ADAM19: variants seen among roughly 807,000 people sequenced by gnomAD.
ADAM19 encodes the protein disintegrin and metalloproteinase domain-containing protein 19.
In ADAM19, 65 loss-of-function variants were observed where a neutral mutation model predicts 114.7. The observed-to-expected ratio is 0.57, with a 90% CI of 0.46 to 0.70. ADAM19 has a LOEUF of 0.70. Ranked by LOEUF, ADAM19 falls within the 30% of genes least tolerant of loss-of-function variation. ADAM19 has a pLI of 0.00. For synonymous variants in ADAM19, 466 were observed against 460.5 expected (o/e 1.01, Z -0.15); for missense variants, 1,063 against 1,204.7 (o/e 0.88, Z 1.74).
intron 12 of ADAM19, among the ~76,000 whole-genome samples, chr5:157,500,757 C>A (rs1318136596): frequency 6.6e-6 from 1 of 152,176 alleles, no homozygotes; most frequent in Non-Finnish European, 1.5e-5. Context: ...TTGCTCTCCC[C>A]CAGCCTGAGA....
chr5:157,494,006 A>C (rs990823689), intron 15 of ADAM19, among the ~76,000 whole-genome samples: 1 of 152,244 alleles, frequency 6.6e-6, no homozygotes, highest in African/African-American at 2.4e-5. Context: ...TGACACACTA[A>C]GATGGGTTGG....
At chr5:157,496,777 G>A in intron 14 of ADAM19, 117 bp downstream of exon 14, 1 of 837,014 alleles carries the variant, frequency 1.2e-6, no homozygotes, top group Non-Finnish European at 1.8e-6. Context: ...GGGGATGAAA[G>A]AGGTAGTATC....
intron 10 of ADAM19, among the ~76,000 whole-genome samples, chr5:157,506,049 T>C (rs1755732111): frequency 6.6e-6 from 1 of 152,200 alleles, no homozygotes; most frequent in Non-Finnish European, 1.5e-5. Context: ...AACTGACCTA[T>C]GGATGAACTT....
chr5:157,514,412 C>T (rs529206609), intron 7 of ADAM19, among the ~76,000 whole-genome samples: 5 of 151,798 alleles, frequency 3.3e-5, no homozygotes, highest in South Asian at 2.1e-4. Flanking sequence ...TTACAACCTC[C>T]GCCTCCCGGG....
chr5:157,535,290 C>T (rs773404187), intron 4 of ADAM19, among the ~76,000 whole-genome samples: 10 of 152,228 alleles, frequency 6.6e-5, no homozygotes, highest in Non-Finnish European at 1.2e-4. Context: ...TTCCCCCAAC[C>T]GCCTGACCTA....
intron 3 of ADAM19, among the ~76,000 whole-genome samples, chr5:157,556,515 G>A (rs1020218273): frequency 2.6e-5 from 4 of 152,036 alleles, no homozygotes; most frequent in East Asian, 1.9e-4. Flanking sequence ...CACCATGCCC[G>A]GCCTCAAGAT....
intron 3 of ADAM19, among the ~76,000 whole-genome samples, chr5:157,564,097 A>G (rs1014806349): frequency 4.6e-5 from 7 of 152,200 alleles, no homozygotes; most frequent in South Asian, 2.1e-4. Flanking sequence ...AATCTCACAC[A>G]TACACAGACC....
intron 3 of ADAM19, among the ~76,000 whole-genome samples, chr5:157,546,258 T>C (rs1757045003): frequency 6.6e-6 from 1 of 152,182 alleles, no homozygotes; most frequent in East Asian, 1.9e-4. Flanking sequence ...AATTTCTAGT[T>C]TCTCCTAAAA....
chr5:157,551,545 C>T (rs1003411427), intron 3 of ADAM19, among the ~76,000 whole-genome samples: 3 of 151,556 alleles, frequency 2.0e-5, no homozygotes, highest in African/African-American at 7.3e-5. Context: ...CAAGCACAGG[C>T]AACCAAAGAA....
At chr5:157,490,570 C>T (rs2113696231) in intron 18 of ADAM19, 116 bp from the exon 19 acceptor site, 1 of 1,213,672 alleles carries the variant, frequency 8.2e-7, no homozygotes, top group East Asian at 2.6e-5. Flanking sequence ...ATTTGTATTA[C>T]TTATTTTAAC....
intron 21 of ADAM19, among the ~76,000 whole-genome samples, chr5:157,485,452 C>A (rs1267971173): frequency 6.6e-6 from 1 of 152,224 alleles, no homozygotes; most frequent in Non-Finnish European, 1.5e-5. Context: ...CTTGCAGGAA[C>A]TACACCTCTC....
At chr5:157,527,193 G>A (rs946248034) in intron 5 of ADAM19, among the ~76,000 whole-genome samples, 2 of 152,042 alleles carry the variant, frequency 1.3e-5, no homozygotes, top group Non-Finnish European at 2.9e-5. Flanking sequence ...GGGAGCACAA[G>A]GGAAACTGAC....
chr5:157,557,312 G>T (rs1757392692), intron 3 of ADAM19, among the ~76,000 whole-genome samples: 2 of 152,208 alleles, frequency 1.3e-5, no homozygotes, highest in Admixed American at 6.5e-5. Flanking sequence ...TTGAATCAGG[G>T]TCTCTGGGAC....
intron 13 of ADAM19, among the ~76,000 whole-genome samples, chr5:157,498,735 C>T (rs988563319): frequency 1.5e-4 from 22 of 146,620 alleles, no homozygotes; most frequent in Admixed American, 2.7e-4. Context: ...TACATATGTC[C>T]GCATATATAA....
At chr5:157,484,367 A>G (rs1279999468) in intron 21 of ADAM19, among the ~76,000 whole-genome samples, 1 of 152,128 alleles carries the variant, frequency 6.6e-6, no homozygotes, top group Non-Finnish European at 1.5e-5. Context: ...AACAGTGCCT[A>G]GTATACAGTA....
At chr5:157,566,440 A>G (rs963622657) in intron 2 of ADAM19, 2 of 152,222 alleles carry the variant, frequency 1.3e-5, no homozygotes, top group Non-Finnish European at 2.9e-5. Flanking sequence ...ACATGTTTAC[A>G]ATTGCTTTCA....
chr5:157,514,326 C>CTTTTTTTTTTTTTT (rs200826711), intron 7 of ADAM19, among the ~76,000 whole-genome samples: 1 of 141,690 alleles, frequency 7.1e-6, no homozygotes. Context: ...AATCACATTT[C>CTTTTTTTTTTTTTT]TTTCTTTTTT....
At chr5:157,514,207 G>C (rs891470877) in intron 7 of ADAM19, among the ~76,000 whole-genome samples, 2 of 152,114 alleles carry the variant, frequency 1.3e-5, no homozygotes, top group African/African-American at 4.8e-5. Context: ...CCAACGAGGA[G>C]GACCATAAGA....
At chr5:157,516,452 T>C (rs1756091933) in intron 7 of ADAM19, among the ~76,000 whole-genome samples, 1 of 152,196 alleles carries the variant, frequency 6.6e-6, no homozygotes, top group South Asian at 2.1e-4. Flanking sequence ...GGTCAGGAGA[T>C]AGAAGATGCC....
Sources: gnomAD v4.1 joint callset for allele counts (sites outside exome capture counted in the v4.1 genomes callset) on GRCh38, gnomAD v4.1.1 for gene constraint, MANE v1.5 for transcripts, NCBI Gene and HGNC (gene_info 2026-07-23, HGNC 2026-07-21) for gene names.